Variants in EXTL1 observed in about 807,000 individuals in gnomAD.
EXTL1 encodes exostosin like glycosyltransferase 1.
In EXTL1, 43 loss-of-function variants were observed where a neutral mutation model predicts 64.6. That is an observed-to-expected ratio of 0.67 (90% CI 0.52 to 0.86). The LOEUF (loss-of-function observed/expected upper bound fraction) is 0.86, where lower values mean the gene tolerates loss of function less well. Ranked by LOEUF, EXTL1 falls within the 40% of genes least tolerant of loss-of-function variation. The pLI is 0.00. For synonymous variants in EXTL1, 352 were observed against 360.5 expected (o/e 0.98, Z 0.27); for missense variants, 766 against 879.0 (o/e 0.87, Z 1.62).
Position 26,022,411 on chromosome 1 carries a change from G to C in EXTL1, c.-236G>C, listed in dbSNP as rs921499041. ...CCGAGAAGGCAGAGTCCTGAGAGCA[G>C]GGGGGCCAGGCCAGCAAGCTGGGTC... On this transcript the variant is annotated 5_prime_UTR_variant, in exon 1 of 11. Coordinates refer to ENST00000374280, the MANE Select transcript of EXTL1 (RefSeq NM_004455.3). 1 of 490,020 alleles carries C rather than the reference G, an allele frequency of 2.0e-6. No individual in the cohort carries two copies. Among genetic ancestry groups the C allele is most frequent in the Non-Finnish European group, 3.6e-6 (1 of 276,564 alleles). 30.4% of individuals were successfully genotyped at this position (490,020 alleles called of 1,614,324 possible).
At position 26,029,181 on chromosome 1, in the gene EXTL1, G is replaced by T. The variant is rs1260777743; in HGVS notation, c.780-12G>T. ...CTCATGTGTGGTGGGACCTCCCCAT[G>T]TGCCTCTTTAGGACCCAGCGCCAGG... On this transcript the variant is annotated splice_polypyrimidine_tract_variant and intron_variant, in intron 1 of 10. Coordinates refer to ENST00000374280, the MANE Select transcript of EXTL1 (RefSeq NM_004455.3). 1 of 1,606,946 alleles carries T rather than the reference G, an allele frequency of 6.2e-7. No individual in the cohort carries two copies. The highest frequency in any genetic ancestry group is 8.5e-7 in the Non-Finnish European group (1 of 1,174,244).
chr1:26,030,347 T>C (rs1025640258), intron 3 of EXTL1, 129 bp from the exon 4 acceptor site: 1 of 652,474 alleles, frequency 1.5e-6, no homozygotes, highest in Non-Finnish European at 2.3e-6. Context: ...TTTTTTTTTT[T>C]TTTGAGATAG....
rs1159001206 is a variant in EXTL1 at position 26,031,282 on chromosome 1, G to T, written c.1234+18G>T. 6.2e-7 allele frequency: 1 copy of T among 1,611,576 alleles called. No individual in the cohort carries two copies. The highest frequency in any genetic ancestry group is 1.3e-5 in the African/African-American group (1 of 74,818). On this transcript the variant is annotated intron_variant, in intron 5 of 10. Transcript: ENST00000374280. ...GCAACAGGGTATGCCCTGGGGATGG[G>T]ACAACCTGAAGTCCCCTCAGCTCTA... is the stretch of plus-strand genomic sequence containing the variant.
chr1:26,033,609 C>T lies in EXTL1; in HGVS notation c.1519-87C>T. 7.0e-7 allele frequency: 1 copy of T among 1,436,740 alleles called. No individual in the cohort carries two copies. Among genetic ancestry groups the T allele is most frequent in the African/African-American group, 1.4e-5 (1 of 71,314 alleles). 89.0% of individuals were successfully genotyped at this position (1,436,740 alleles called of 1,614,324 possible). A position where few individuals can be genotyped will look rare whatever the true frequency, so the allele number is the denominator to read the frequency against. On this transcript the variant is annotated intron_variant, in intron 8 of 10. Coordinates refer to ENST00000374280, the MANE Select transcript of EXTL1 (RefSeq NM_004455.3). The surrounding 1 kb of genome is among the most constrained non-coding windows in gnomAD (Gnocchi z 5.1). ...TCCCCTGAGTCCTGCCCGGGCCCCT[C>T]AGCCAGGCTGCCCCTGCCTCCATTT...
In EXTL1 at chr1:26,022,944, G is replaced by T; in HGVS notation, c.298G>T (p.Val100Leu). 3.7e-6 allele frequency: 6 copies of T among 1,614,130 alleles called. No individual in the cohort carries two copies. Among genetic ancestry groups the T allele is most frequent in the Non-Finnish European group, 5.1e-6 (6 of 1,180,026 alleles). Reference protein sequence around the residue: ...KCRGDGLKVFVYPAVGTISET... With the variant: ...KCRGDGLKVFLYPAVGTISET... Reference sequence around the variant, plus strand: ...CAGGGGCGATGGCCTTAAGGTATTCGTGTACCCAGCGGTTGGAACCATCTC... The same window carrying T: ...CAGGGGCGATGGCCTTAAGGTATTCTTGTACCCAGCGGTTGGAACCATCTC... Residue 100 changes from valine (V) to leucine (L), a missense_variant, in exon 1 of 11, where the codon GTG (valine) becomes TTG (leucine). This residue lies in a region of EXTL1 where 571 missense variants were observed against 647.6 expected (regional missense o/e 0.88). Coordinates refer to ENST00000374280, the MANE Select transcript of EXTL1 (RefSeq NM_004455.3).
intron 1 of EXTL1, among the ~76,000 whole-genome samples, chr1:26,027,710 C>G (rs957464401): frequency 1.5e-4 from 14 of 94,718 alleles, no homozygotes; most frequent in African/African-American, 6.9e-4. Context: ...AAAAAAAAAG[C>G]CAGCACGTGC....
Position 26,035,001 on chromosome 1 carries a change from A to C in EXTL1, c.1845A>C (p.Pro615=). 6 of 1,614,122 alleles carry C rather than the reference A, an allele frequency of 3.7e-6. No individual in the cohort carries two copies. The highest frequency in any genetic ancestry group is 5.1e-6 in the Non-Finnish European group (6 of 1,179,988). Residue 615 remains proline (P), a synonymous_variant, in exon 10 of 11, where the codon CCA becomes CCC. Coordinates refer to ENST00000374280, the MANE Select transcript of EXTL1 (RefSeq NM_004455.3). This position sits in a 1 kb window ranked among gnomAD's most constrained non-coding sequence, Gnocchi z 5.3. ...GCAAGCAGCGCCAGGAGGCTGCTCC[A>C]CTGGTGAGGGCTGAGGGGGATTGGT... is the stretch of plus-strand genomic sequence containing the variant. The part of the protein sequence containing the change: ...PYGKQRQEAA[P]LAPGGPGPRP...
Position 26,030,555 on chromosome 1 carries a change from A to G in EXTL1, c.1061A>G (p.Tyr354Cys), listed in dbSNP as rs1297166042. ...CAGACCCAGTTTCTATGGGATGCCT[A>G]CTTCTCCTCAGTGGAGAAGGTCATC... ...RQQTQFLWDA[Y>C]FSSVEKVIHT... Residue 354 changes from tyrosine to cysteine, a missense_variant, in exon 4 of 11, where the codon TAC becomes TGC. Transcript: ENST00000374280. 6.2e-7 allele frequency: 1 copy of G among 1,613,256 alleles called. No homozygotes were observed. Among genetic ancestry groups the G allele is most frequent in the African/African-American group, 1.3e-5 (1 of 74,836 alleles).
At chr1:26,032,274 A>G (rs548251845) in intron 6 of EXTL1, 122 bp from the exon 7 acceptor site, 2 of 661,682 alleles carry the variant, frequency 3.0e-6, no homozygotes, top group Middle Eastern at 2.5e-4. Flanking sequence ...CCCTTCTCCC[A>G]TGTGCAGTTT....
chr1:26,024,411 GTC>G (rs1245873391), intron 1 of EXTL1, among the ~76,000 whole-genome samples: 1 of 152,002 alleles, frequency 6.6e-6, no homozygotes, highest in East Asian at 1.9e-4. Context: ...CCTCCCTCAG[GTC>G]TCTCTCCCTA....
At position 26,033,739 on chromosome 1, in the gene EXTL1, T is replaced by C. The variant is rs908972197; in HGVS notation, c.1562T>C (p.Met521Thr). 1.4e-5 allele frequency: 22 copies of C among 1,614,028 alleles called. No homozygotes were observed. The highest frequency in any genetic ancestry group is 2.2e-5 in the South Asian group (2 of 91,086). ...FLVWQSFPERMVGFLTSSHFW... is the reference protein window; with the variant it reads ...FLVWQSFPERTVGFLTSSHFW... ...GTGTGGCAGAGCTTCCCAGAGCGGA[T>C]GGTGGGCTTCCTGACGTCGAGCCAT... The change falls in exon 9 of 11, where the codon ATG becomes ACG. Residue 521 changes from methionine (M) to threonine (T), a missense_variant. This residue lies in a region of EXTL1 where 194 missense variants were observed against 214.5 expected (regional missense o/e 0.90). Transcript: ENST00000374280. The surrounding 1 kb of genome is among the most constrained non-coding windows in gnomAD (Gnocchi z 5.1).
intron 4 of EXTL1, 96 bp downstream of exon 4, chr1:26,030,691 C>A (rs1257978142): frequency 6.6e-6 from 9 of 1,365,942 alleles, no homozygotes; most frequent in Middle Eastern, 2.1e-4. Flanking sequence ...TGGGGAACCC[C>A]CCCCCCTTCC....
chr1:26,028,657 AG>A (rs11292799), intron 1 of EXTL1, among the ~76,000 whole-genome samples: 17,731 of 152,132 alleles, frequency 0.12, 1,526 homozygotes, highest in South Asian at 0.34. Flanking sequence ...CCTCTGGGCC[AG>A]GGGACCTCTG....
In EXTL1 at chr1:26,036,431, C is replaced by G. The variant is rs989064996; in HGVS notation, c.*1084C>G. The G allele has an allele frequency of 1.3e-5, 2 of 152,248 alleles. No individual in the cohort carries two copies. The highest frequency in any genetic ancestry group is 6.5e-5 in the Admixed American group (1 of 15,276). The allele number at this position is 152,248 out of a possible 1,614,324, so 9.4% of individuals were successfully genotyped here. Reference sequence around the variant, plus strand: ...GAATTATCACTTCCGAAATAAAGCGCGTGTCCTTGCCCCCTCACGCTCCAG... The same window carrying G: ...GAATTATCACTTCCGAAATAAAGCGGGTGTCCTTGCCCCCTCACGCTCCAG... On this transcript the variant is annotated 3_prime_UTR_variant, in exon 11 of 11. Transcript: ENST00000374280. This position sits in a 1 kb window ranked among gnomAD's most constrained non-coding sequence, Gnocchi z 5.2.
In EXTL1 at chr1:26,035,392, C is replaced by G. The variant is rs766793136; in HGVS notation, c.*45C>G. 2 of 1,526,030 alleles carry G rather than the reference C, an allele frequency of 1.3e-6. No homozygotes were observed. Among genetic ancestry groups the G allele is most frequent in the South Asian group, 1.2e-5 (1 of 83,344 alleles). 94.5% of individuals were successfully genotyped at this position (1,526,030 alleles called of 1,614,324 possible). A position where few individuals can be genotyped will look rare whatever the true frequency, so the allele number is the denominator to read the frequency against. ...CCCAGCAGAGGTCGCAGCCCAGCTC[C>G]CAGGGGGCCCGGCGCCTGCCGGCGG... On this transcript the variant is annotated 3_prime_UTR_variant, in exon 11 of 11. Transcript: ENST00000374280. This position sits in a 1 kb window ranked among gnomAD's most constrained non-coding sequence, Gnocchi z 5.3.
At chr1:26,031,744 G>T in intron 6 of EXTL1, among the ~76,000 whole-genome samples, 178 bp downstream of exon 6, 1 of 152,258 alleles carries the variant, frequency 6.6e-6, no homozygotes, top group East Asian at 1.9e-4. Context: ...TTTTCCCCAT[G>T]GAAATTGATG....
intron 1 of EXTL1, among the ~76,000 whole-genome samples, chr1:26,024,675 A>G (rs2050195818): frequency 6.6e-6 from 1 of 151,854 alleles, no homozygotes; most frequent in Non-Finnish European, 1.5e-5. Flanking sequence ...GGAGCCTGAA[A>G]AGTCAGGGAT....
intron 1 of EXTL1, 120 bp downstream of exon 1, chr1:26,023,545 G>T: frequency 1.9e-6 from 2 of 1,076,086 alleles, no homozygotes; most frequent in Non-Finnish European, 2.4e-6. Context: ...GTAGACTTAG[G>T]CCTCAGCTGC....
intron 7 of EXTL1, 105 bp downstream of exon 7, chr1:26,032,590 C>A: frequency 1.3e-6 from 1 of 764,422 alleles, no homozygotes; most frequent in South Asian, 1.8e-5. Flanking sequence ...CGCAGTTGGG[C>A]CTGAAGAATG....
Sources: gnomAD v4.1 joint callset for allele counts (sites outside exome capture counted in the v4.1 genomes callset) on GRCh38, gnomAD v4.1.1 for gene constraint, gnomAD v4.1.1 regional missense constraint, Gnocchi (gnomAD v3.1) non-coding constraint, MANE v1.5 for transcripts, NCBI Gene and HGNC (gene_info 2026-07-23, HGNC 2026-07-21) for gene names.